CELF5: variants seen among roughly 807,000 people sequenced by gnomAD.
CELF5 encodes the protein CUGBP Elav-like family member 5, also known as CUG-BP and ETR-3 like factor 5.
CELF5 carries 6 observed loss-of-function variants against 54.9 expected under a neutral mutation model. The ratio of observed to expected loss-of-function variants is 0.11; its 90% confidence interval spans 0.06 to 0.22. CELF5 has a LOEUF of 0.22. Ranked by LOEUF, CELF5 falls within the 10% of genes least tolerant of loss-of-function variation. The pLI is 1.00. For missense variants in CELF5, 401 were observed against 678.6 expected (o/e 0.59, Z 4.54); for synonymous variants, 271 against 290.9 (o/e 0.93, Z 0.70).
intron 2 of CELF5, among the ~76,000 whole-genome samples, chr19:3,266,962 G>T (rs959216859): frequency 2.0e-5 from 3 of 152,180 alleles, no homozygotes; most frequent in Non-Finnish European, 2.9e-5. Context: ...GCACACGCCC[G>T]CACGAGCACA....
intron 1 of CELF5, among the ~76,000 whole-genome samples, chr19:3,248,926 CT>C (rs72266635): frequency 0.096 from 8,924 of 93,432 alleles, 315 homozygotes; most frequent in African/African-American, 0.11. Context: ...TTCTTTCTTT[CT>C]TTTCTTTTCT....
rs1031488094 is a variant in CELF5, at chr19:3,228,618, G to T, written c.259+3620G>T. ...TTGCGCTGGGGGACGGTGCAGGTGG[G>T]GGGGGGGCCCGGCGGGGGCCCGGGT... On this transcript the variant is annotated intron_variant, in intron 1 of 12. Coordinates refer to ENST00000292672, the MANE Select transcript of CELF5 (RefSeq NM_021938.4). The surrounding 1 kb of genome is among the most constrained non-coding windows in gnomAD (Gnocchi z 6.0). Among the ~76,000 whole-genome samples, 11 of 152,138 alleles carry T rather than the reference G, an allele frequency of 7.2e-5. No homozygotes were observed. Among genetic ancestry groups the T allele is most frequent in the Middle Eastern group, 3.4e-3 (1 of 292 alleles).
At chr19:3,232,841 G>A (rs1446135234) in intron 1 of CELF5, among the ~76,000 whole-genome samples, 4 of 152,120 alleles carry the variant, frequency 2.6e-5, no homozygotes, top group East Asian at 1.9e-4. Context: ...TTGGGAGGCC[G>A]AGGTGGGTGG....
chr19:3,268,865 C>G lies in CELF5; in HGVS notation c.343-5007C>G. On this transcript the variant is annotated intron_variant, in intron 2 of 12. Transcript: ENST00000292672. This position sits in a 1 kb window ranked among gnomAD's most constrained non-coding sequence, Gnocchi z 4.4. The stretch of plus-strand genomic sequence containing the variant: ...TTTGAGGGGTAAGGATGGGGTGCAG[C>G]GGGGGGGCATTCTGTCACCAGCCAC... Among the ~76,000 whole-genome samples, 2 of 140,698 alleles carry G rather than the reference C, an allele frequency of 1.4e-5. No individual in the cohort carries two copies. The highest frequency in any genetic ancestry group is 1.5e-5 in the Non-Finnish European group (1 of 64,868). The allele number at this position is 140,698 out of a possible 152,430, so 92.3% of individuals were successfully genotyped here.
At chr19:3,247,473 G>A (rs1322498364) in intron 1 of CELF5, among the ~76,000 whole-genome samples, 1 of 151,366 alleles carries the variant, frequency 6.6e-6, no homozygotes, top group South Asian at 2.1e-4. Context: ...TGTTGCCCAG[G>A]CTGGTCTTGA....
intron 1 of CELF5, among the ~76,000 whole-genome samples, chr19:3,233,434 G>T (rs1440392141): frequency 3.3e-5 from 5 of 152,244 alleles, no homozygotes; most frequent in Admixed American, 6.5e-5. Flanking sequence ...GAGGTGAGCT[G>T]CTGTGAACAA....
intron 2 of CELF5, among the ~76,000 whole-genome samples, chr19:3,258,958 C>T (rs1205886346): frequency 6.6e-6 from 1 of 152,128 alleles, no homozygotes; most frequent in Admixed American, 6.6e-5. Context: ...CCAGGGGTGA[C>T]CACAGAACCA....
At chr19:3,251,252 C>T (rs1486494400) in intron 2 of CELF5, among the ~76,000 whole-genome samples, 185 bp downstream of exon 2, 1 of 152,152 alleles carries the variant, frequency 6.6e-6, no homozygotes. Context: ...CTACTGTGTG[C>T]CGTGCTCTAT....
At chr19:3,273,545 T>TA (rs1262349749) in intron 2 of CELF5, among the ~76,000 whole-genome samples, 1 of 152,032 alleles carries the variant, frequency 6.6e-6, no homozygotes, top group Admixed American at 6.6e-5. Context: ...AGTGGGAAAA[T>TA]AGACTCTAGT....
intron 2 of CELF5, among the ~76,000 whole-genome samples, chr19:3,256,695 A>G (rs2079732520): frequency 6.6e-6 from 1 of 150,444 alleles, no homozygotes; most frequent in Non-Finnish European, 1.5e-5. Context: ...CAGCCTCCCG[A>G]GTAGCTGGAT....
At chr19:3,276,505 C>T (rs2080055623) in intron 4 of CELF5, among the ~76,000 whole-genome samples, 2 of 75,550 alleles carry the variant, frequency 2.6e-5, no homozygotes, top group Non-Finnish European at 5.0e-5. Context: ...AGGGTCGGGG[C>T]TGAGCATATA....
At chr19:3,292,222 C>T (rs2080362545) in intron 11 of CELF5, among the ~76,000 whole-genome samples, 1 of 151,792 alleles carries the variant, frequency 6.6e-6, no homozygotes, top group Non-Finnish European at 1.5e-5. Flanking sequence ...GCTGGAATTA[C>T]AGACGTGAAC....
At chr19:3,253,342 C>T (rs1354094493) in intron 2 of CELF5, among the ~76,000 whole-genome samples, 2 of 152,168 alleles carry the variant, frequency 1.3e-5, no homozygotes, top group Non-Finnish European at 2.9e-5. Context: ...GCTGCATGAT[C>T]CTGGCTCAGG....
chr19:3,225,137 C>CCCCCTCCCTCCCACCCA, intron 1 of CELF5, 139 bp downstream of exon 1: 1 of 506,644 alleles, frequency 2.0e-6, no homozygotes, highest in East Asian at 3.8e-5. Context: ...TCGGTTCTTA[C>CCCCCTCCCTCCCACCCA]CCCCTCCCTC....
intron 4 of CELF5, among the ~76,000 whole-genome samples, chr19:3,276,831 T>TG (rs2080063220): frequency 1.1e-5 from 1 of 89,272 alleles, no homozygotes; most frequent in Admixed American, 1.6e-4. Context: ...CTCCAGGTGC[T>TG]GCCTGTGAGT....
At chr19:3,260,514 G>A (rs1568344814) in intron 2 of CELF5, among the ~76,000 whole-genome samples, 1 of 151,770 alleles carries the variant, frequency 6.6e-6, no homozygotes, top group Non-Finnish European at 1.5e-5. Context: ...GAGTGCAGTG[G>A]CAAGATCATG....
rs992942527 is a variant in CELF5, at chr19:3,273,859, CCT to C, written c.343-6_343-5del. 1 of 1,612,782 alleles carries C rather than the reference CCT, an allele frequency of 6.2e-7. No individual in the cohort carries two copies. Among genetic ancestry groups the C allele is most frequent in the Non-Finnish European group, 8.5e-7 (1 of 1,178,840 alleles). On this transcript the variant is annotated splice_polypyrimidine_tract_variant and intron_variant, in intron 2 of 12. Transcript: ENST00000292672. Reference sequence around the variant, plus strand: ...TGCTAAGCTTGACTTTTCCCTTCCCCCTCTCTCTGCAGATGGCGCGGCCAATC... The same window carrying C: ...TGCTAAGCTTGACTTTTCCCTTCCCCCTCTCTGCAGATGGCGCGGCCAATC...
At chr19:3,257,616 C>T (rs1303644432) in intron 2 of CELF5, among the ~76,000 whole-genome samples, 2 of 151,068 alleles carry the variant, frequency 1.3e-5, no homozygotes, top group Non-Finnish European at 3.0e-5. Flanking sequence ...GCTGGGATTA[C>T]AGGCATGCAC....
chr19:3,238,110 T>G, intron 1 of CELF5, among the ~76,000 whole-genome samples: 1 of 151,982 alleles, frequency 6.6e-6, no homozygotes, highest in Non-Finnish European at 1.5e-5. Context: ...TCCCAGCACT[T>G]TGGGAGGCCA....
Sources: allele counts gnomAD v4.1 joint callset (sites outside exome capture counted in the v4.1 genomes callset), GRCh38; gene constraint gnomAD v4.1.1; non-coding constraint Gnocchi (gnomAD v3.1); transcripts MANE v1.5; gene names NCBI Gene and HGNC (gene_info 2026-07-23, HGNC 2026-07-21).